The following GRID2 variants were observed in gnomAD, a reference collection of about 807,000 sequenced individuals.
GRID2 encodes glutamate receptor ionotropic, delta-2.
A neutral mutation model predicts 114.8 loss-of-function variants in GRID2; 33 were observed. The ratio of observed to expected loss-of-function variants is 0.29; its 90% confidence interval spans 0.22 to 0.38. The LOEUF is 0.38. Among genes scored for constraint, GRID2 ranks in the 10% least tolerant of loss-of-function variants. GRID2 has a pLI of 1.00. For missense variants in GRID2, 1,184 were observed against 1,257.7 expected, an observed-to-expected ratio of 0.94 and a Z score of 0.89; for synonymous variants, 505 against 449.9, an observed-to-expected ratio of 1.12 and a Z score of -1.55.
chr4:93,612,441 G>A lies in GRID2; in HGVS notation c.2194-13828G>A, dbSNP rs367693533. Among the ~76,000 whole-genome samples the A allele has an allele frequency of 9.4e-4, 130 of 137,820 alleles. 1 individual carries two copies. The highest frequency in any genetic ancestry group is 1.4e-3 in the Non-Finnish European group (89 of 62,454). 90.4% of individuals were successfully genotyped at this position (137,820 alleles called of 152,430 possible). A position where few individuals can be genotyped will look rare whatever the true frequency, so the allele number is the denominator to read the frequency against. On this transcript the variant is annotated intron_variant, in intron 13 of 15. Transcript: ENST00000282020. ...TTACATTTTGGCATGATTTTGCAGCGGCTGGTACCGGTTGTTCCTTTCCAT... is the reference window on the plus strand; with the variant it reads ...TTACATTTTGGCATGATTTTGCAGCAGCTGGTACCGGTTGTTCCTTTCCAT...
At chr4:92,935,580 A>G (rs1157595967) in intron 2 of GRID2, among the ~76,000 whole-genome samples, 3 of 146,634 alleles carry the variant, frequency 2.0e-5, no homozygotes, top group African/African-American at 7.3e-5. Flanking sequence ...AAAAACACAC[A>G]CACACGTATG....
chr4:93,787,790 C>A (rs1578795442), intron 1 of GRID2, among the ~76,000 whole-genome samples: 2 of 151,988 alleles, frequency 1.3e-5, no homozygotes, highest in Admixed American at 1.3e-4. Context: ...CATTATGGTG[C>A]GGTCAAGTTC....
At chr4:92,800,625 G>T (rs557955037) in intron 2 of GRID2, among the ~76,000 whole-genome samples, 1 of 151,988 alleles carries the variant, frequency 6.6e-6, no homozygotes, top group East Asian at 2.0e-4. Context: ...ATTCACTTTT[G>T]ATACTTGTGG....
At chr4:92,608,385 A>G (rs1033343607) in intron 2 of GRID2, among the ~76,000 whole-genome samples, 1 of 151,864 alleles carries the variant, frequency 6.6e-6, no homozygotes, top group Non-Finnish European at 1.5e-5. Flanking sequence ...AAATGGTTTG[A>G]GTTCAAAGAT....
intron 2 of GRID2, among the ~76,000 whole-genome samples, chr4:92,944,861 A>G (rs921900401): frequency 6.6e-6 from 1 of 152,166 alleles, no homozygotes; most frequent in Non-Finnish European, 1.5e-5. Context: ...TCCAAAGGGC[A>G]AACCTTATAT....
chr4:93,392,246 A>G (rs1764929021), intron 8 of GRID2, among the ~76,000 whole-genome samples: 3 of 152,126 alleles, frequency 2.0e-5, no homozygotes, highest in Admixed American at 2.0e-4. Flanking sequence ...TGTTAAAAAA[A>G]ACAGAAACAA....
rs566933810 is a variant in GRID2 at position 93,766,457 on chromosome 4, A to G, written c.2361-2753A>G. On this transcript the variant is annotated intron_variant, in intron 14 of 15. Coordinates refer to ENST00000282020, the MANE Select transcript of GRID2 (RefSeq NM_001510.4). ...TGAGGGAAACCACCCCCATGATTCA[A>G]TTATCTCCACCTGTCCTGCACTTGA... 5.2e-4 allele frequency among the ~76,000 whole-genome samples: 79 copies of G among 152,304 alleles called. 1 individual carries two copies. In the South Asian group the frequency reaches 0.014, roughly 28 times the overall value.
rs1226881104 is a variant in GRID2 at position 93,490,707 on chromosome 4, A to G, written c.1927A>G (p.Ile643Val). The G allele has an allele frequency of 6.2e-7, 1 of 1,610,564 alleles. No individual in the cohort carries two copies. Among genetic ancestry groups the G allele is most frequent in the Admixed American group, 1.7e-5 (1 of 59,778 alleles). Residue 643 changes from isoleucine (I) to valine (V), a missense_variant, in exon 12 of 16, where the codon ATT becomes GTT. By Grantham distance (29) the Ile-to-Val change is conservative. Transcript: ENST00000282020. ...MMGAWWLFALIVISSYTANLA... is the reference protein window; with the variant it reads ...MMGAWWLFALVVISSYTANLA... ...GGGGGCTTGGTGGCTATTTGCTTTG[A>G]TTGTTATCTCATCTTACACGGCAAA...
At chr4:93,193,081 G>A (rs911607996) in intron 4 of GRID2, among the ~76,000 whole-genome samples, 2 of 152,246 alleles carry the variant, frequency 1.3e-5, no homozygotes, top group East Asian at 1.9e-4. Context: ...ACAAGAATTA[G>A]TGCTACCAGA....
chr4:92,981,813 A>T (rs963672972), intron 2 of GRID2, among the ~76,000 whole-genome samples: 2 of 151,982 alleles, frequency 1.3e-5, no homozygotes, highest in African/African-American at 4.8e-5. Context: ...AACAAAATGA[A>T]TAACTTTTTA....
intron 2 of GRID2, among the ~76,000 whole-genome samples, chr4:92,737,246 A>G (rs1026650334): frequency 6.6e-6 from 1 of 152,096 alleles, no homozygotes; most frequent in African/African-American, 2.4e-5. Flanking sequence ...GTCTTAGGTA[A>G]AAGCTACTTT....
intron 2 of GRID2, among the ~76,000 whole-genome samples, chr4:92,948,632 C>A (rs961873865): frequency 1.3e-5 from 2 of 151,844 alleles, no homozygotes; most frequent in African/African-American, 4.8e-5. Flanking sequence ...ATCCAAAATG[C>A]AATATATGAA....
chr4:92,951,322 T>G (rs1441672566), intron 2 of GRID2, among the ~76,000 whole-genome samples: 1 of 151,564 alleles, frequency 6.6e-6, no homozygotes, highest in African/African-American at 2.4e-5. Flanking sequence ...TCTCCAAAAA[T>G]TCGCAAAATT....
At chr4:92,571,338 C>T (rs1382072535) in intron 1 of GRID2, among the ~76,000 whole-genome samples, 2 of 151,938 alleles carry the variant, frequency 1.3e-5, no homozygotes, top group Admixed American at 6.6e-5. Flanking sequence ...GCTAACTATC[C>T]TAAATATATA....
At chr4:92,935,804 A>G (rs1284675063) in intron 2 of GRID2, among the ~76,000 whole-genome samples, 1 of 137,358 alleles carries the variant, frequency 7.3e-6, no homozygotes, top group African/African-American at 2.5e-5. Flanking sequence ...CAAACACTGC[A>G]TGTTCTCACT....
chr4:93,433,410 A>G (rs565089050), intron 10 of GRID2, among the ~76,000 whole-genome samples: 103 of 152,318 alleles, frequency 6.8e-4, no homozygotes, highest in Middle Eastern at 6.8e-3. Context: ...ACATAAAACA[A>G]AACAAAACAA....
intron 2 of GRID2, among the ~76,000 whole-genome samples, chr4:92,735,229 T>G (rs981548859): frequency 1.3e-5 from 2 of 152,128 alleles, no homozygotes; most frequent in Non-Finnish European, 2.9e-5. Context: ...ATGCCAGAAA[T>G]ATGTTCTGAG....
chr4:92,589,341 G>T (rs1728602596), intron 1 of GRID2, among the ~76,000 whole-genome samples: 1 of 152,216 alleles, frequency 6.6e-6, no homozygotes, highest in Non-Finnish European at 1.5e-5. Context: ...AATGTGAGGT[G>T]TAGAATTTGA....
chr4:92,963,428 T>C (rs1752948867), intron 2 of GRID2, among the ~76,000 whole-genome samples: 1 of 152,002 alleles, frequency 6.6e-6, no homozygotes, highest in Non-Finnish European at 1.5e-5. Flanking sequence ...ACAAGGTCCA[T>C]AGCATCTTCA....
Sources: gnomAD v4.1 joint callset for allele counts (sites outside exome capture counted in the v4.1 genomes callset) on GRCh38, gnomAD v4.1.1 for gene constraint, MANE v1.5 for transcripts, NCBI Gene and HGNC (gene_info 2026-07-23, HGNC 2026-07-21) for gene names.